The following RTN1 variants were observed in gnomAD, a reference collection of about 807,000 sequenced individuals.
The protein encoded by RTN1 is reticulon-1.
A neutral mutation model predicts 65.5 loss-of-function variants in RTN1; 25 were observed. The ratio of observed to expected loss-of-function variants is 0.38; its 90% CI spans 0.28 to 0.53. RTN1 has a LOEUF of 0.53. Among genes scored for constraint, RTN1 ranks in the 20% least tolerant of loss-of-function variants. The pLI, the probability that RTN1 is intolerant of heterozygous loss-of-function variation, is 0.79. For synonymous variants in RTN1, 471 were observed against 447.6 expected (o/e 1.05, Z -0.66); for missense variants, 983 against 1,025.4 (o/e 0.96, Z 0.57).
intron 4 of RTN1, among the ~76,000 whole-genome samples, chr14:59,606,814 A>ACC (rs1881772447): frequency 1.3e-5 from 2 of 152,096 alleles, no homozygotes. Flanking sequence ...TGAACCCTGC[A>ACC]CCCCCACCAG....
At chr14:59,644,914 C>G (rs961080669) in intron 3 of RTN1, among the ~76,000 whole-genome samples, 32 of 152,146 alleles carry the variant, frequency 2.1e-4, no homozygotes, top group Non-Finnish European at 1.9e-4. Context: ...CCAGTGTTTT[C>G]CAGCTGGCAG....
chr14:59,757,554 T>C (rs1026303484), intron 1 of RTN1, among the ~76,000 whole-genome samples: 1 of 152,154 alleles, frequency 6.6e-6, no homozygotes, highest in Non-Finnish European at 1.5e-5. Flanking sequence ...TATCCAGTCT[T>C]GGGTATGTCT....
intron 3 of RTN1, among the ~76,000 whole-genome samples, chr14:59,636,586 G>GT (rs1882670779): frequency 6.6e-6 from 1 of 152,134 alleles, no homozygotes; most frequent in African/African-American, 2.4e-5. Flanking sequence ...GGTTAATAGA[G>GT]TATTATATAG....
intron 3 of RTN1, among the ~76,000 whole-genome samples, chr14:59,644,872 G>C (rs1882856607): frequency 6.6e-6 from 1 of 152,026 alleles, no homozygotes; most frequent in Non-Finnish European, 1.5e-5. Context: ...CATGGGGCAG[G>C]ATCTCCTGAC....
intron 3 of RTN1, among the ~76,000 whole-genome samples, chr14:59,704,712 C>T (rs952270969): frequency 6.6e-5 from 10 of 152,128 alleles, no homozygotes; most frequent in African/African-American, 1.2e-4. Context: ...GAGAAGGGTA[C>T]GAAAATGGCA....
intron 3 of RTN1, among the ~76,000 whole-genome samples, chr14:59,655,280 C>A (rs1040560103): frequency 1.3e-5 from 2 of 152,122 alleles, no homozygotes; most frequent in Admixed American, 1.3e-4. Flanking sequence ...CTGACAACTA[C>A]AAGATACTGT....
chr14:59,657,057 C>A (rs1883135965), intron 3 of RTN1, among the ~76,000 whole-genome samples: 1 of 151,924 alleles, frequency 6.6e-6, no homozygotes, highest in African/African-American at 2.4e-5. Context: ...AGATATAATA[C>A]CTAATCCACA....
intron 3 of RTN1, among the ~76,000 whole-genome samples, chr14:59,702,819 T>C (rs771529599): frequency 3.9e-5 from 6 of 152,194 alleles, no homozygotes; most frequent in Admixed American, 6.5e-5. Flanking sequence ...GGGGGTCCCA[T>C]TGCACTCCAG....
In RTN1 at chr14:59,832,843, T is replaced by C. The variant is rs559776759; in HGVS notation, c.241+37547A>G. Among the ~76,000 whole-genome samples, 3 of 152,316 alleles carry C rather than the reference T, an allele frequency of 2.0e-5. No homozygotes were observed. The South Asian group carries it at 6.2e-4, about 32-fold the overall frequency. On this transcript the variant is annotated intron_variant, in intron 1 of 8. Transcript: ENST00000267484. ...CTGCCTTAGACAGGTTCCGGAGATT[T>C]ATGATCTTGTTGTTGGTCATGGAAA...
At chr14:59,863,042 C>A (rs747055615) in intron 1 of RTN1, among the ~76,000 whole-genome samples, 1 of 152,148 alleles carries the variant, frequency 6.6e-6, no homozygotes, top group Non-Finnish European at 1.5e-5. Flanking sequence ...ACTGTCCTCA[C>A]CTTTATCCAA....
intron 4 of RTN1, 200 bp from the exon 5 acceptor site, chr14:59,605,706 G>C: frequency 2.0e-6 from 1 of 504,638 alleles, no homozygotes; most frequent in Non-Finnish European, 3.5e-6. Context: ...CAGAAAGCAT[G>C]GTTCTCAGTG....
At chr14:59,819,455 A>G (rs1388108760) in intron 1 of RTN1, among the ~76,000 whole-genome samples, 1 of 89,348 alleles carries the variant, frequency 1.1e-5, no homozygotes, top group Non-Finnish European at 2.1e-5. Context: ...GGCCACAGCT[A>G]GACACAGAGT....
At chr14:59,648,841 A>T (rs1366132534) in intron 3 of RTN1, among the ~76,000 whole-genome samples, 1 of 152,208 alleles carries the variant, frequency 6.6e-6, no homozygotes, top group Admixed American at 6.5e-5. Context: ...TACAGAATGG[A>T]CAAAACCAGG....
At chr14:59,826,091 A>G (rs1486250336) in intron 1 of RTN1, among the ~76,000 whole-genome samples, 1 of 152,248 alleles carries the variant, frequency 6.6e-6, no homozygotes, top group African/African-American at 2.4e-5. Context: ...TCAGGAGTTT[A>G]GAAAAGCACC....
intron 1 of RTN1, among the ~76,000 whole-genome samples, chr14:59,770,269 T>C (rs558412945): frequency 6.7e-6 from 1 of 150,374 alleles, no homozygotes; most frequent in African/African-American, 2.4e-5. Context: ...TCCCAGCTAC[T>C]TGGGAGGCTG....
intron 1 of RTN1, among the ~76,000 whole-genome samples, chr14:59,783,913 CAA>C (rs35470675): frequency 0.016 from 1,623 of 104,126 alleles, 29 homozygotes; most frequent in East Asian, 0.076. Context: ...AATCTGGGGG[CAA>C]AAAAAAAAAA....
At chr14:59,685,728 T>C (rs952303872) in intron 3 of RTN1, among the ~76,000 whole-genome samples, 1 of 152,152 alleles carries the variant, frequency 6.6e-6, no homozygotes, top group Non-Finnish European at 1.5e-5. Flanking sequence ...ATTGTTAACA[T>C]GTCCATCCTA....
In RTN1 at chr14:59,746,002, T is replaced by C. The variant is rs867221836; in HGVS notation, c.721A>G (p.Lys241Glu). 2.5e-6 allele frequency: 4 copies of C among 1,614,052 alleles called. No homozygotes were observed. The Admixed American group carries it at 5.0e-5, about 20-fold the overall frequency. The change falls in exon 2 of 9, where the codon AAA (lysine) becomes GAA (glutamate). Residue 241 changes from lysine (K) to glutamate (E), a missense_variant. Lys to Glu is a moderately conservative substitution (Grantham distance 56). Transcript: ENST00000267484. ...ATTTTTCCCTCCACAGGAGCTGGTT[T>C]GTCAGGTTCACGGACTCCTTCAGGT... The part of the protein sequence containing the change: ...IKPEGVREPD[K>E]PAPVEGKIIK...
At chr14:59,739,817 G>C (rs1885080979) in intron 2 of RTN1, among the ~76,000 whole-genome samples, 1 of 152,270 alleles carries the variant, frequency 6.6e-6, no homozygotes, top group Middle Eastern at 3.4e-3. Flanking sequence ...ATGGGACAGG[G>C]AAGAAAATTC....
Sources: allele counts gnomAD v4.1 joint callset (sites outside exome capture counted in the v4.1 genomes callset), GRCh38; gene constraint gnomAD v4.1.1; transcripts MANE v1.5; gene names NCBI Gene and HGNC (gene_info 2026-07-23, HGNC 2026-07-21).